The following AGBL1 variants were observed in gnomAD, a reference collection of about 807,000 sequenced individuals.
AGBL1 encodes the protein cytosolic carboxypeptidase 4.
In AGBL1, 130 loss-of-function variants were observed where a neutral mutation model predicts 118.9. The observed-to-expected ratio is 1.09, with a 90% confidence interval of 0.95 to 1.26. The LOEUF is 1.26. AGBL1 is among the 50% of genes most tolerant of loss of function. The pLI is 0.00. For missense variants in AGBL1, 1,584 were observed against 1,298.1 expected (o/e 1.22, Z -3.38); for synonymous variants, 555 against 478.9 (o/e 1.16, Z -2.08).
chr15:86,795,097 A>C (rs1203884148), intron 22 of AGBL1, among the ~76,000 whole-genome samples: 1 of 152,208 alleles, frequency 6.6e-6, no homozygotes, highest in East Asian at 1.9e-4. Flanking sequence ...GTGGCTATCA[A>C]AATTTGAAAC....
At chr15:86,094,400 C>T (rs1896223654) in intron 1 of AGBL1, among the ~76,000 whole-genome samples, 1 of 152,098 alleles carries the variant, frequency 6.6e-6, no homozygotes, top group African/African-American at 2.4e-5. Context: ...ATTTTGATAA[C>T]TTTCTATTTA....
intron 22 of AGBL1, among the ~76,000 whole-genome samples, chr15:86,775,895 C>A (rs2078249078): frequency 1.3e-5 from 2 of 152,110 alleles, no homozygotes; most frequent in Admixed American, 1.3e-4. Context: ...ATCACCATTT[C>A]CATTTCATCA....
chr15:86,537,917 T>C (rs1179796473), intron 19 of AGBL1, among the ~76,000 whole-genome samples: 2 of 152,226 alleles, frequency 1.3e-5, no homozygotes, highest in Non-Finnish European at 2.9e-5. Context: ...AATCATTACT[T>C]ACTAGAAGGG....
chr15:86,132,310 T>C lies in AGBL1; in HGVS notation c.52-9694T>C, dbSNP rs138249757. Among the ~76,000 whole-genome samples the C allele has an allele frequency of 1.7e-3, 259 of 152,240 alleles. 1 individual carries two copies. The East Asian group carries it at 0.022, about 13-fold the overall frequency. ...CAGGGAGGAGCCTCCCTGTCCTGAA[T>C]GCTCTTAATTGTCCATGTATGTTTT... is the stretch of plus-strand genomic sequence containing the variant. On this transcript the variant is annotated intron_variant, in intron 1 of 22. Transcript: ENST00000614907.
intron 24 of AGBL1, among the ~76,000 whole-genome samples, chr15:87,022,332 G>A (rs1422664269): frequency 1.3e-5 from 2 of 151,962 alleles, no homozygotes; most frequent in Non-Finnish European, 2.9e-5. Flanking sequence ...TGATTTACCT[G>A]AAAAAGAATT....
intron 22 of AGBL1, among the ~76,000 whole-genome samples, chr15:86,834,303 C>T (rs1291884536): frequency 6.6e-6 from 1 of 152,030 alleles, no homozygotes; most frequent in Non-Finnish European, 1.5e-5. Flanking sequence ...GGCAAGCAAC[C>T]CAGACCAGCT....
chr15:86,955,329 G>C (rs1350930881), intron 23 of AGBL1, among the ~76,000 whole-genome samples: 1 of 151,902 alleles, frequency 6.6e-6, no homozygotes, highest in Non-Finnish European at 1.5e-5. Flanking sequence ...AACCCTGAAG[G>C]TTAAAATGAG....
intron 22 of AGBL1, among the ~76,000 whole-genome samples, chr15:86,732,664 C>G (rs892992563): frequency 6.6e-6 from 1 of 152,100 alleles, no homozygotes; most frequent in Non-Finnish European, 1.5e-5. Context: ...ATTCACTATA[C>G]AGACTCTAAG....
rs190401800 is a variant in AGBL1, at chr15:86,921,899, T to A, written c.3222-66088T>A. 3.9e-5 allele frequency among the ~76,000 whole-genome samples: 6 copies of A among 152,292 alleles called. No individual in the cohort carries two copies. In the East Asian group the frequency reaches 1.2e-3, roughly 29 times the overall value. On this transcript the variant is annotated intron_variant, in intron 23 of 24. Coordinates refer to the AGBL1 transcript ENST00000441037. ...GTTGATCTAGTAACGACATTTGAGA[T>A]GTTCAAGGTATAAAGTGAGGTCTTC...
chr15:86,456,257 T>C (rs1405412402), intron 18 of AGBL1, among the ~76,000 whole-genome samples: 1 of 152,234 alleles, frequency 6.6e-6, no homozygotes, highest in African/African-American at 2.4e-5. Flanking sequence ...ATCTGAATAA[T>C]GTTCTCTTAA....
At chr15:86,677,374 A>G (rs1275721879) in intron 22 of AGBL1, among the ~76,000 whole-genome samples, 3 of 152,042 alleles carry the variant, frequency 2.0e-5, no homozygotes, top group Non-Finnish European at 4.4e-5. Flanking sequence ...ATACTCACGA[A>G]AGCATCTTTT....
At chr15:86,217,136 A>G (rs1338368778) in intron 5 of AGBL1, among the ~76,000 whole-genome samples, 1 of 152,136 alleles carries the variant, frequency 6.6e-6, no homozygotes, top group Admixed American at 6.6e-5. Flanking sequence ...CATTTATCAC[A>G]TCTAAGAATA....
At chr15:86,358,927 T>C (rs1423058746) in intron 17 of AGBL1, among the ~76,000 whole-genome samples, 2 of 151,982 alleles carry the variant, frequency 1.3e-5, no homozygotes, top group Admixed American at 6.6e-5. Flanking sequence ...ATATTAACCA[T>C]TTATCAGATG....
chr15:86,401,583 G>A (rs1466803423), intron 18 of AGBL1, among the ~76,000 whole-genome samples: 1 of 152,102 alleles, frequency 6.6e-6, no homozygotes, highest in African/African-American at 2.4e-5. Flanking sequence ...ATGGCTTCAG[G>A]TCTTAGATTT....
At chr15:86,836,019 C>A (rs1249941171) in intron 22 of AGBL1, among the ~76,000 whole-genome samples, 1 of 152,290 alleles carries the variant, frequency 6.6e-6, no homozygotes, top group Non-Finnish European at 1.5e-5. Context: ...CTGCTTCTAG[C>A]TTATCCCTTG....
chr15:86,683,731 G>A (rs962426459), intron 22 of AGBL1, among the ~76,000 whole-genome samples: 1 of 152,162 alleles, frequency 6.6e-6, no homozygotes, highest in Non-Finnish European at 1.5e-5. Flanking sequence ...ACTCTCTATA[G>A]CAACTGCAGC....
At chr15:86,545,041 C>A (rs2083560836) in intron 19 of AGBL1, among the ~76,000 whole-genome samples, 1 of 152,156 alleles carries the variant, frequency 6.6e-6, no homozygotes, top group African/African-American at 2.4e-5. Context: ...GGTTATGTGA[C>A]TTTCTTTGAC....
intron 21 of AGBL1, among the ~76,000 whole-genome samples, chr15:86,636,074 G>A (rs1317425810): frequency 1.3e-5 from 2 of 152,202 alleles, no homozygotes; most frequent in Admixed American, 6.5e-5. Flanking sequence ...TCCTCAGTGT[G>A]ATGATCAAAA....
At chr15:86,858,043 C>T (rs1301490877) in intron 22 of AGBL1, among the ~76,000 whole-genome samples, 2 of 152,140 alleles carry the variant, frequency 1.3e-5, no homozygotes, top group African/African-American at 4.8e-5. Context: ...ACTCTGCCCA[C>T]GTAACACCTT....
Sources: allele counts gnomAD v4.1 joint callset (sites outside exome capture counted in the v4.1 genomes callset), GRCh38; gene constraint gnomAD v4.1.1; transcripts MANE v1.5; gene names NCBI Gene and HGNC (gene_info 2026-07-23, HGNC 2026-07-21).